The following MAMDC2 variants were observed in gnomAD, a reference collection of about 807,000 sequenced individuals.
MAMDC2 encodes MAM domain containing 2, also known as MAM domain-containing protein 2.
MAMDC2 carries 57 observed loss-of-function variants against 89.8 expected under a neutral mutation model. The observed-to-expected ratio is 0.63, with a 90% CI of 0.51 to 0.79. The LOEUF (loss-of-function observed/expected upper bound fraction) is 0.79. Ranked by LOEUF, MAMDC2 falls within the 30% of genes least tolerant of loss-of-function variation. MAMDC2 has a pLI of 0.00. For synonymous variants in MAMDC2, 313 were observed against 293.4 expected, an observed-to-expected ratio of 1.07 and a Z score of -0.68; for missense variants, 800 against 820.6, an observed-to-expected ratio of 0.97 and a Z score of 0.31.
chr9:70,192,841 ATAGT>A (rs1231277396), intron 11 of MAMDC2, among the ~76,000 whole-genome samples: 1 of 152,102 alleles, frequency 6.6e-6, no homozygotes, highest in African/African-American at 2.4e-5. Context: ...TTATAGTCAA[ATAGT>A]TGGTTGAAGG....
intron 2 of MAMDC2, among the ~76,000 whole-genome samples, chr9:70,062,300 C>G (rs1198851743): frequency 1.3e-5 from 2 of 151,814 alleles, no homozygotes; most frequent in Non-Finnish European, 2.9e-5. Context: ...ATATATTTAT[C>G]TATGTCTCCT....
At chr9:70,217,025 C>T (rs1343378133) in intron 11 of MAMDC2, among the ~76,000 whole-genome samples, 1 of 152,174 alleles carries the variant, frequency 6.6e-6, no homozygotes, top group East Asian at 1.9e-4. Context: ...AAGTTGGCTG[C>T]AGCACACCAC....
intron 10 of MAMDC2, among the ~76,000 whole-genome samples, chr9:70,169,443 C>T (rs1014152270): frequency 4.6e-5 from 7 of 152,188 alleles, no homozygotes; most frequent in Non-Finnish European, 8.8e-5. Flanking sequence ...ATCGTGGTAT[C>T]AGTCTGGTGC....
At chr9:70,143,081 C>A (rs2031280611) in intron 8 of MAMDC2, among the ~76,000 whole-genome samples, 1 of 152,190 alleles carries the variant, frequency 6.6e-6, no homozygotes, top group Admixed American at 6.5e-5. Context: ...TGCCCAGACA[C>A]ACAAACTTCC....
intron 7 of MAMDC2, among the ~76,000 whole-genome samples, chr9:70,135,693 G>A (rs755646828): frequency 2.0e-5 from 3 of 152,032 alleles, no homozygotes; most frequent in Admixed American, 6.6e-5. Flanking sequence ...AAGATACAGA[G>A]GTCTCTCATA....
intron 6 of MAMDC2, among the ~76,000 whole-genome samples, chr9:70,127,555 G>A (rs1214274025): frequency 6.6e-6 from 1 of 151,946 alleles, no homozygotes; most frequent in African/African-American, 2.4e-5. Flanking sequence ...GATGGGTTTC[G>A]GTGGTGCCAT....
intron 11 of MAMDC2, among the ~76,000 whole-genome samples, chr9:70,196,147 C>A (rs1003120563): frequency 6.6e-6 from 1 of 152,034 alleles, no homozygotes; most frequent in Non-Finnish European, 1.5e-5. Flanking sequence ...TTATTCACTA[C>A]CACCATAACA....
intron 5 of MAMDC2, among the ~76,000 whole-genome samples, chr9:70,119,423 T>C (rs188947592): frequency 1.2e-4 from 19 of 152,328 alleles, no homozygotes; most frequent in Middle Eastern, 3.4e-3. Context: ...AGAGTCATTT[T>C]AACAGGACTT....
At chr9:70,213,938 G>A (rs1319334500) in intron 11 of MAMDC2, among the ~76,000 whole-genome samples, 2 of 152,182 alleles carry the variant, frequency 1.3e-5, no homozygotes, top group Non-Finnish European at 2.9e-5. Flanking sequence ...CTACGGTGGA[G>A]CCATGTGCCC....
At chr9:70,046,134 G>T (rs1212383451) in intron 2 of MAMDC2, among the ~76,000 whole-genome samples, 1 of 152,192 alleles carries the variant, frequency 6.6e-6, no homozygotes, top group Non-Finnish European at 1.5e-5. Context: ...AACCTCAGCT[G>T]CATCAGAATC....
chr9:70,053,694 G>C (rs970785898), intron 2 of MAMDC2, among the ~76,000 whole-genome samples: 6 of 152,216 alleles, frequency 3.9e-5, no homozygotes, highest in Non-Finnish European at 8.8e-5. Flanking sequence ...GAGATGCAAG[G>C]TGTAGGCAAG....
chr9:70,165,162 T>C (rs1391460967), intron 9 of MAMDC2, among the ~76,000 whole-genome samples: 2 of 152,160 alleles, frequency 1.3e-5, no homozygotes, highest in Non-Finnish European at 2.9e-5. Context: ...ATTCCCTTCT[T>C]GTTATGTTCT....
chr9:70,206,962 T>TG (rs2033238715), intron 11 of MAMDC2, among the ~76,000 whole-genome samples: 1 of 152,198 alleles, frequency 6.6e-6, no homozygotes, highest in Non-Finnish European at 1.5e-5. Flanking sequence ...CAAGAACTCA[T>TG]CCTTTTTTAT....
At chr9:70,135,099 C>T (rs1166157273) in intron 7 of MAMDC2, among the ~76,000 whole-genome samples, 1 of 152,208 alleles carries the variant, frequency 6.6e-6, no homozygotes, top group Non-Finnish European at 1.5e-5. Flanking sequence ...ATCTTCAAAG[C>T]TTCTCATTTC....
intron 2 of MAMDC2, among the ~76,000 whole-genome samples, chr9:70,070,976 G>A (rs1827392390): frequency 6.6e-6 from 1 of 152,044 alleles, no homozygotes; most frequent in South Asian, 2.1e-4. Flanking sequence ...TTAAATATTT[G>A]CATATCAATG....
intron 5 of MAMDC2, among the ~76,000 whole-genome samples, chr9:70,121,243 G>A (rs541904983): frequency 2.0e-4 from 30 of 152,348 alleles, no homozygotes; most frequent in Middle Eastern, 3.4e-3. Context: ...GGTTCCACAT[G>A]AAAAGTTCAG....
At position 70,091,617 on chromosome 9, in the gene MAMDC2, C is replaced by T. The variant is rs147539145; in HGVS notation, c.149-16594C>T. On this transcript the variant is annotated intron_variant, in intron 2 of 13. Coordinates refer to ENST00000377182, the MANE Select transcript of MAMDC2 (RefSeq NM_153267.5). ...TTAATTTGGCAATCCGAATCGGATC[C>T]GGAATCTGGCTGCTTGTTAGGCAGC... 1.7e-3 allele frequency among the ~76,000 whole-genome samples: 263 copies of T among 152,260 alleles called. 1 individual carries two copies. The highest frequency in any genetic ancestry group is 5.9e-3 in the African/African-American group (244 of 41,568).
intron 11 of MAMDC2, among the ~76,000 whole-genome samples, chr9:70,186,532 T>C (rs1436452299): frequency 6.6e-6 from 1 of 152,226 alleles, no homozygotes; most frequent in African/African-American, 2.4e-5. Context: ...GTCCTAAAAT[T>C]GTTTTTTGTT....
At chr9:70,196,815 A>C (rs1372501545) in intron 11 of MAMDC2, among the ~76,000 whole-genome samples, 1 of 152,122 alleles carries the variant, frequency 6.6e-6, no homozygotes, top group Non-Finnish European at 1.5e-5. Context: ...TGATAAAGCC[A>C]GGATAGTGTA....
Sources: gnomAD v4.1 joint callset for allele counts (sites outside exome capture counted in the v4.1 genomes callset) on GRCh38, gnomAD v4.1.1 for gene constraint, MANE v1.5 for transcripts, NCBI Gene and HGNC (gene_info 2026-07-23, HGNC 2026-07-21) for gene names.